KIF6: variants seen among roughly 807,000 people sequenced by gnomAD.
KIF6 encodes the protein kinesin family member 6.
Under a neutral mutation model 112.7 loss-of-function variants are expected in KIF6, and 106 were observed. The ratio of observed to expected loss-of-function variants is 0.94; its 90% CI spans 0.80 to 1.11. The LOEUF (loss-of-function observed/expected upper bound fraction) is 1.11, where lower values mean the gene tolerates loss of function less well. KIF6 is among the 50% of genes least tolerant of loss of function. KIF6 has a pLI of 0.00. For synonymous variants in KIF6, 339 were observed against 339.9 expected (o/e 1.00, Z 0.03); for missense variants, 929 against 964.0 (o/e 0.96, Z 0.48).
At chr6:39,358,642 A>G (rs1405929137) in intron 18 of KIF6, among the ~76,000 whole-genome samples, 1 of 152,310 alleles carries the variant, frequency 6.6e-6, no homozygotes, top group East Asian at 1.9e-4. Context: ...TCACTGATGA[A>G]CTTGCCAGGA....
intron 3 of KIF6, among the ~76,000 whole-genome samples, chr6:39,645,542 G>A (rs551723656): frequency 2.0e-4 from 31 of 152,174 alleles, no homozygotes; most frequent in Middle Eastern, 3.4e-3. Flanking sequence ...TTGATGTGCT[G>A]CTGGATTCGG....
chr6:39,605,448 CT>C (rs761100874), intron 6 of KIF6, among the ~76,000 whole-genome samples: 1 of 151,988 alleles, frequency 6.6e-6, no homozygotes, highest in Non-Finnish European at 1.5e-5. Context: ...TTTATTCAAA[CT>C]GTCTTTTTTA....
intron 16 of KIF6, among the ~76,000 whole-genome samples, chr6:39,370,805 G>A (rs1177678705): frequency 6.6e-6 from 1 of 152,116 alleles, no homozygotes; most frequent in East Asian, 1.9e-4. Flanking sequence ...GAGAATTCTC[G>A]GGGATCTGTG....
At chr6:39,663,149 C>T (rs1412660774) in intron 3 of KIF6, among the ~76,000 whole-genome samples, 1 of 152,164 alleles carries the variant, frequency 6.6e-6, no homozygotes, top group Non-Finnish European at 1.5e-5. Context: ...TGGCCTCGTC[C>T]TCCCAAAGTG....
At chr6:39,380,733 C>T (rs930747637) in intron 16 of KIF6, among the ~76,000 whole-genome samples, 15 of 152,110 alleles carry the variant, frequency 9.9e-5, no homozygotes, top group African/African-American at 3.4e-4. Context: ...AGTATGATCT[C>T]GCTAAATGTG....
At chr6:39,399,690 C>G (rs1227629242) in intron 15 of KIF6, among the ~76,000 whole-genome samples, 1 of 152,224 alleles carries the variant, frequency 6.6e-6, no homozygotes, top group African/African-American at 2.4e-5. Flanking sequence ...GCAGGTTTTT[C>G]TTGGAGCAGG....
chr6:39,406,760 G>A (rs1319260431), intron 15 of KIF6, among the ~76,000 whole-genome samples: 1 of 152,010 alleles, frequency 6.6e-6, no homozygotes, highest in African/African-American at 2.4e-5. Context: ...AGTATTTGTT[G>A]TTTTTGGAGA....
intron 3 of KIF6, among the ~76,000 whole-genome samples, chr6:39,713,018 C>T (rs934228319): frequency 2.4e-4 from 36 of 152,134 alleles, no homozygotes; most frequent in African/African-American, 7.7e-4. Context: ...GGAAGGGTAA[C>T]GGAGGTGCAA....
intron 6 of KIF6, among the ~76,000 whole-genome samples, chr6:39,608,317 G>A (rs1202500206): frequency 6.6e-6 from 1 of 152,136 alleles, no homozygotes; most frequent in Non-Finnish European, 1.5e-5. Flanking sequence ...CTAACCTACT[G>A]AACATCATAC....
intron 5 of KIF6, among the ~76,000 whole-genome samples, chr6:39,627,066 G>A (rs1171751797): frequency 2.0e-5 from 3 of 152,098 alleles, no homozygotes; most frequent in African/African-American, 4.8e-5. Context: ...GCTACACCTT[G>A]CCTGCCAAAT....
Position 39,343,481 on chromosome 6 carries a change from C to G in KIF6, c.2428+228G>C. ...AGCTCTGCCAAGAGGGACAGGAGCA[C>G]CTGGGCCGCCCACCCACTTGGGCCT... On this transcript the variant is annotated intron_variant, in intron 22 of 22. Coordinates refer to ENST00000287152, the MANE Select transcript of KIF6 (RefSeq NM_145027.6). This position sits in a 1 kb window ranked among gnomAD's most constrained non-coding sequence, Gnocchi z 4.1. The G allele has an allele frequency of 6.7e-7, 1 of 1,484,092 alleles. No homozygotes were observed. The highest frequency in any genetic ancestry group is 9.0e-7 in the Non-Finnish European group (1 of 1,114,488). 91.9% of individuals were successfully genotyped at this position (1,484,092 alleles called of 1,614,324 possible).
At chr6:39,490,648 G>A (rs1775426493) in intron 13 of KIF6, among the ~76,000 whole-genome samples, 1 of 152,178 alleles carries the variant, frequency 6.6e-6, no homozygotes, top group South Asian at 2.1e-4. Flanking sequence ...GTATGCTGGA[G>A]AAGTCAGAGC....
At chr6:39,574,111 T>C (rs944146054) in intron 10 of KIF6, among the ~76,000 whole-genome samples, 1 of 152,240 alleles carries the variant, frequency 6.6e-6, no homozygotes, top group Non-Finnish European at 1.5e-5. Flanking sequence ...GTCACAATTT[T>C]AGTTTTCATT....
At chr6:39,718,229 C>CAAAAA (rs35872391) in intron 2 of KIF6, among the ~76,000 whole-genome samples, 41 of 58,930 alleles carry the variant, frequency 7.0e-4, no homozygotes, top group East Asian at 1.5e-3. Flanking sequence ...GACTCCATCT[C>CAAAAA]AAAAAAAAAA....
At chr6:39,519,202 C>A (rs1397420462) in intron 13 of KIF6, among the ~76,000 whole-genome samples, 1 of 152,022 alleles carries the variant, frequency 6.6e-6, no homozygotes, top group Non-Finnish European at 1.5e-5. Context: ...AAACTAAGTG[C>A]AGAGTATTCC....
chr6:39,619,631 G>A (rs1783707147), intron 5 of KIF6, among the ~76,000 whole-genome samples: 1 of 152,154 alleles, frequency 6.6e-6, no homozygotes, highest in African/African-American at 2.4e-5. Context: ...AAGGGACTCA[G>A]GACATAACTG....
At chr6:39,502,489 T>A (rs1414913484) in intron 13 of KIF6, among the ~76,000 whole-genome samples, 1 of 152,080 alleles carries the variant, frequency 6.6e-6, no homozygotes, top group African/African-American at 2.4e-5. Flanking sequence ...AATCCACACA[T>A]AACAATACTA....
chr6:39,421,599 A>G (rs1315904663), intron 14 of KIF6, among the ~76,000 whole-genome samples: 1 of 152,160 alleles, frequency 6.6e-6, no homozygotes, highest in Admixed American at 6.5e-5. Flanking sequence ...AGTGTGAATT[A>G]TGTCATTGCT....
intron 3 of KIF6, among the ~76,000 whole-genome samples, chr6:39,686,821 T>C (rs1000410381): frequency 1.3e-5 from 2 of 152,226 alleles, no homozygotes; most frequent in Non-Finnish European, 2.9e-5. Flanking sequence ...TTTTCTTCTT[T>C]GAGCTCCTAG....
Sources: gnomAD v4.1 joint callset for allele counts (sites outside exome capture counted in the v4.1 genomes callset) on GRCh38, gnomAD v4.1.1 for gene constraint, Gnocchi (gnomAD v3.1) non-coding constraint, MANE v1.5 for transcripts, NCBI Gene and HGNC (gene_info 2026-07-23, HGNC 2026-07-21) for gene names.